PCDH11X: variants seen among roughly 807,000 people sequenced by gnomAD.
PCDH11X encodes the protein protocadherin-11 X-linked.
PCDH11X carries 18 observed loss-of-function variants against 53.3 expected under a neutral mutation model. The observed-to-expected ratio is 0.34, with a 90% CI of 0.23 to 0.50. The LOEUF is 0.50. PCDH11X is among the 20% of genes least tolerant of loss of function. PCDH11X has a pLI of 0.98. For missense variants in PCDH11X, 570 were observed against 1,032.4 expected, an observed-to-expected ratio of 0.55 and a Z score of 6.14; for synonymous variants, 279 against 393.3, an observed-to-expected ratio of 0.71 and a Z score of 3.44.
chrX:91,817,009 G>A (rs1213120782), intron 4 of PCDH11X, among the ~76,000 whole-genome samples: 1 of 106,864 alleles, frequency 9.4e-6, no homozygotes, highest in Non-Finnish European at 1.9e-5. Context: ...AGAAGAACAT[G>A]GTGAGTATTC....
intron 6 of PCDH11X, among the ~76,000 whole-genome samples, chrX:92,148,097 T>C (rs750282280): frequency 5.5e-4 from 13 of 23,485 alleles, no homozygotes; most frequent in African/African-American, 8.4e-4. Flanking sequence ...TTTCTTTCTT[T>C]CTTTCTTTCT....
At chrX:92,331,118 A>C (rs762326406) in intron 8 of PCDH11X, among the ~76,000 whole-genome samples, 12 of 107,439 alleles carry the variant, frequency 1.1e-4, no homozygotes, top group African/African-American at 3.7e-4. Context: ...TGTACAAATA[A>C]TTATGATAGG....
intron 1 of PCDH11X, among the ~76,000 whole-genome samples, chrX:91,797,642 A>C (rs1005835718): frequency 9.1e-6 from 1 of 110,080 alleles, no homozygotes; most frequent in Admixed American, 9.8e-5. Context: ...TAATACATCT[A>C]GTTGAATCAA....
At chrX:92,007,398 G>C (rs1228908164) in intron 6 of PCDH11X, among the ~76,000 whole-genome samples, 1 of 111,500 alleles carries the variant, frequency 9.0e-6, no homozygotes. Flanking sequence ...ACCACCTCAG[G>C]CCATGAGGTA....
chrX:91,815,304 A>G (rs1936417731), intron 4 of PCDH11X, among the ~76,000 whole-genome samples: 1 of 111,999 alleles, frequency 8.9e-6, no homozygotes, highest in Admixed American at 9.5e-5. Context: ...GAAATTAATG[A>G]CTGTCTCAAT....
chrX:92,561,449 G>T (rs2075130354), intron 10 of PCDH11X, among the ~76,000 whole-genome samples: 1 of 76,763 alleles, frequency 1.3e-5, no homozygotes, highest in Non-Finnish European at 2.6e-5. Flanking sequence ...ATTTAACAAA[G>T]AGATTAAAAT....
At chrX:92,368,962 A>C (rs2070542995) in intron 8 of PCDH11X, among the ~76,000 whole-genome samples, 2 of 104,349 alleles carry the variant, frequency 1.9e-5, no homozygotes, top group Non-Finnish European at 4.0e-5. Context: ...TCTCCCAGTC[A>C]GGAGGCACTG....
intron 6 of PCDH11X, among the ~76,000 whole-genome samples, chrX:91,902,079 A>AAGATGTT (rs1478705277): frequency 9.0e-6 from 1 of 111,716 alleles, no homozygotes; most frequent in Non-Finnish European, 1.9e-5. Context: ...CACATTTAAG[A>AAGATGTT]AGATGTTAGG....
chrX:91,782,461 C>A (rs758041009), intron 1 of PCDH11X, among the ~76,000 whole-genome samples: 1 of 108,484 alleles, frequency 9.2e-6, no homozygotes, highest in Non-Finnish European at 1.9e-5. Flanking sequence ...TGTTTTCTCT[C>A]CCCTCGGGTG....
chrX:92,279,050 A>T lies in PCDH11X; in HGVS notation c.3144+15907A>T, dbSNP rs2068185127. Among the ~76,000 whole-genome samples, 4 of 111,125 alleles carry T rather than the reference A, an allele frequency of 3.6e-5. No homozygotes were observed. The South Asian group carries it at 1.5e-3, about 42-fold the overall frequency. ...GGTCTCGAACTCCCGACCTCAGGTG[A>T]TCCACCTGCCTCGGCCTCCCAAACT... On this transcript the variant is annotated intron_variant, in intron 8 of 10. Coordinates refer to ENST00000682573, the MANE Select transcript of PCDH11X (RefSeq NM_032968.5).
chrX:92,429,650 G>C (rs1367027407), intron 9 of PCDH11X, among the ~76,000 whole-genome samples: 1 of 106,036 alleles, frequency 9.4e-6, no homozygotes, highest in Non-Finnish European at 1.9e-5. Flanking sequence ...GCTCCTATGG[G>C]GGATGTATAT....
intron 6 of PCDH11X, among the ~76,000 whole-genome samples, chrX:92,173,568 C>G (rs1286102642): frequency 9.3e-6 from 1 of 107,256 alleles, no homozygotes; most frequent in Admixed American, 9.9e-5. Context: ...GAGAAACAGT[C>G]ACATAGAAAA....
intron 8 of PCDH11X, among the ~76,000 whole-genome samples, chrX:92,309,074 A>G (rs1261807795): frequency 8.9e-6 from 1 of 111,927 alleles, no homozygotes; most frequent in African/African-American, 3.2e-5. Flanking sequence ...TGAAACTGAG[A>G]TAATGAATGG....
intron 10 of PCDH11X, among the ~76,000 whole-genome samples, chrX:92,479,232 A>C (rs2073452397): frequency 9.4e-6 from 1 of 106,022 alleles, no homozygotes; most frequent in Admixed American, 1.0e-4. Flanking sequence ...CTATTCCTTT[A>C]TTTTGAGCTC....
chrX:92,144,707 G>A (rs1456253279), intron 6 of PCDH11X, among the ~76,000 whole-genome samples: 1 of 110,324 alleles, frequency 9.1e-6, no homozygotes, highest in Non-Finnish European at 1.9e-5. Context: ...GATGTCATTA[G>A]TAGTAGACTT....
intron 7 of PCDH11X, among the ~76,000 whole-genome samples, chrX:92,224,849 T>C (rs1412098853): frequency 1.8e-5 from 2 of 112,496 alleles, no homozygotes; most frequent in Non-Finnish European, 3.8e-5. Context: ...TCACTGATCA[T>C]GTGCACTAGG....
chrX:92,306,691 C>T (rs2068838265), intron 8 of PCDH11X, among the ~76,000 whole-genome samples: 1 of 109,789 alleles, frequency 9.1e-6, no homozygotes, highest in African/African-American at 3.3e-5. Flanking sequence ...CCTGTAATCC[C>T]AGCACTTTGG....
chrX:92,002,214 G>A (rs150862910), intron 6 of PCDH11X, among the ~76,000 whole-genome samples: 2 of 110,420 alleles, frequency 1.8e-5, no homozygotes, highest in Non-Finnish European at 3.8e-5. Context: ...TCACTCTTGG[G>A]GTGTGGATTT....
chrX:92,155,666 G>C (rs35658775), intron 6 of PCDH11X, among the ~76,000 whole-genome samples: 1 of 92,612 alleles, frequency 1.1e-5, no homozygotes, highest in African/African-American at 4.4e-5. Flanking sequence ...TCGCTCTGTC[G>C]CCCAGCCTGG....
Sources: gnomAD v4.1 joint callset for allele counts (sites outside exome capture counted in the v4.1 genomes callset) on GRCh38, gnomAD v4.1.1 for gene constraint, MANE v1.5 for transcripts, NCBI Gene and HGNC (gene_info 2026-07-23, HGNC 2026-07-21) for gene names.